ANKFN1: variants seen among roughly 807,000 people sequenced by gnomAD.
ANKFN1 encodes ankyrin repeat and fibronectin type-III domain-containing protein 1.
ANKFN1 carries 74 observed loss-of-function variants against 108.7 expected under a neutral mutation model. The observed-to-expected ratio is 0.68, with a 90% confidence interval of 0.56 to 0.83. ANKFN1 has a LOEUF of 0.83. ANKFN1 is among the 40% of genes least tolerant of loss of function. The probability of loss-of-function intolerance (pLI) is 0.00; values close to 1 mark genes in which losing one functional copy is unlikely to be tolerated. For synonymous variants in ANKFN1, 547 were observed against 516.2 expected (o/e 1.06, Z -0.81); for missense variants, 1,505 against 1,382.3 (o/e 1.09, Z -1.41).
chr17:56,100,519 CATG>C (rs1232310907), intron 4 of ANKFN1, among the ~76,000 whole-genome samples: 3 of 152,172 alleles, frequency 2.0e-5, no homozygotes, highest in Admixed American at 2.0e-4. Context: ...TAGTGAACCA[CATG>C]ATGATTATTT....
intron 1 of ANKFN1, among the ~76,000 whole-genome samples, chr17:56,160,486 A>G (rs1909551457): frequency 6.6e-6 from 1 of 151,708 alleles, no homozygotes; most frequent in African/African-American, 2.4e-5. Flanking sequence ...TGCTATGGAA[A>G]CTTTAGGAGA....
chr17:56,367,143 T>C lies in ANKFN1; in HGVS notation c.602-5503T>C, dbSNP rs1057505488. On this transcript the variant is annotated intron_variant, in intron 6 of 20. Transcript: ENST00000682825. ...TACTAAATTGAAAAATGGCACATCA[T>C]TAGTAATAGACAAATGTGTCCGTCT... is the stretch of plus-strand genomic sequence containing the variant. 1.8e-4 allele frequency among the ~76,000 whole-genome samples: 28 copies of C among 152,312 alleles called. 1 individual carries two copies. The highest frequency in any genetic ancestry group is 3.5e-4 in the Non-Finnish European group (24 of 68,018).
intron 1 of ANKFN1, among the ~76,000 whole-genome samples, chr17:56,202,169 G>A (rs1385926931): frequency 6.6e-6 from 1 of 152,232 alleles, no homozygotes; most frequent in Non-Finnish European, 1.5e-5. Flanking sequence ...GTTGGAAATG[G>A]ATGTGAGCTC....
intron 8 of ANKFN1, among the ~76,000 whole-genome samples, chr17:56,420,245 A>C (rs150838320): frequency 7.3e-4 from 111 of 152,340 alleles, no homozygotes; most frequent in African/African-American, 2.1e-3. Flanking sequence ...CTGCTGACTT[A>C]GAGGAATTCT....
chr17:56,373,519 A>G (rs1203247865), intron 7 of ANKFN1, among the ~76,000 whole-genome samples: 1 of 152,246 alleles, frequency 6.6e-6, no homozygotes, highest in Non-Finnish European at 1.5e-5. Flanking sequence ...ATCGTAACTA[A>G]ACAACAACAA....
chr17:56,438,328 G>A (rs1022416396), intron 8 of ANKFN1, among the ~76,000 whole-genome samples: 6 of 152,058 alleles, frequency 3.9e-5, no homozygotes, highest in African/African-American at 1.4e-4. Flanking sequence ...AGACACAGAA[G>A]CAGAAAATGC....
intron 1 of ANKFN1, among the ~76,000 whole-genome samples, chr17:56,181,636 T>C (rs1423514336): frequency 6.6e-6 from 1 of 152,232 alleles, no homozygotes; most frequent in African/African-American, 2.4e-5. Context: ...AGATCACTGC[T>C]TATTGCCTAT....
intron 4 of ANKFN1, among the ~76,000 whole-genome samples, chr17:56,138,389 T>C (rs1232473177): frequency 5.9e-5 from 9 of 152,216 alleles, no homozygotes; most frequent in Non-Finnish European, 1.3e-4. Context: ...GGTAAGATCT[T>C]CATGTCACTG....
chr17:56,074,038 G>C (rs550937075), intron 4 of ANKFN1, among the ~76,000 whole-genome samples: 1 of 152,324 alleles, frequency 6.6e-6, no homozygotes, highest in East Asian at 1.9e-4. Context: ...GGGTCATATG[G>C]TAATTCTGTG....
chr17:56,128,185 G>C (rs1254542630), intron 4 of ANKFN1, among the ~76,000 whole-genome samples: 2 of 151,302 alleles, frequency 1.3e-5, no homozygotes, highest in Non-Finnish European at 2.9e-5. Flanking sequence ...TAGAAAGACT[G>C]TAGAGCCTAA....
At chr17:56,186,620 T>G (rs191221370) in intron 1 of ANKFN1, among the ~76,000 whole-genome samples, 1 of 152,316 alleles carries the variant, frequency 6.6e-6, no homozygotes, top group African/African-American at 2.4e-5. Context: ...AGGAAATGAC[T>G]TATCCCCTGG....
intron 4 of ANKFN1, among the ~76,000 whole-genome samples, chr17:56,131,775 C>A (rs1227867193): frequency 6.6e-6 from 1 of 152,104 alleles, no homozygotes; most frequent in Non-Finnish European, 1.5e-5. Flanking sequence ...CCTGTAACCC[C>A]AGCATTTTGG....
intron 8 of ANKFN1, among the ~76,000 whole-genome samples, chr17:56,386,251 C>T (rs1017497537): frequency 1.3e-5 from 2 of 151,234 alleles, no homozygotes; most frequent in Non-Finnish European, 2.9e-5. Context: ...TGTTCTCACT[C>T]ATAGGTGGGA....
chr17:56,068,097 A>G (rs1316160728), intron 4 of ANKFN1, among the ~76,000 whole-genome samples: 2 of 152,132 alleles, frequency 1.3e-5, no homozygotes, highest in African/African-American at 4.8e-5. Context: ...CCCAGCCTTC[A>G]TACTTCTTTT....
chr17:56,381,344 G>A (rs953340932), intron 8 of ANKFN1, among the ~76,000 whole-genome samples: 5 of 152,152 alleles, frequency 3.3e-5, no homozygotes, highest in Non-Finnish European at 7.3e-5. Context: ...GGAAAAAACA[G>A]AGCAGAATAA....
At chr17:56,258,738 G>A (rs565714156) in intron 3 of ANKFN1, among the ~76,000 whole-genome samples, 3 of 152,100 alleles carry the variant, frequency 2.0e-5, no homozygotes, top group East Asian at 1.9e-4. Context: ...GTGAAACCCC[G>A]TCTCTATAAA....
At chr17:56,241,234 A>T (rs756067239) in intron 3 of ANKFN1, among the ~76,000 whole-genome samples, 18 of 152,158 alleles carry the variant, frequency 1.2e-4, no homozygotes, top group Non-Finnish European at 1.9e-4. Context: ...TGATTGTGCC[A>T]CTGCACTCCA....
At chr17:56,227,557 C>T (rs891014980) in intron 2 of ANKFN1, among the ~76,000 whole-genome samples, 18 of 152,056 alleles carry the variant, frequency 1.2e-4, no homozygotes, top group African/African-American at 4.1e-4. Context: ...GAACCAGAAG[C>T]AAGAGAATGA....
At chr17:56,484,399 A>C (rs2050798005) in intron 18 of ANKFN1, among the ~76,000 whole-genome samples, 1 of 152,238 alleles carries the variant, frequency 6.6e-6, no homozygotes, top group African/African-American at 2.4e-5. Flanking sequence ...TTGAAAAAAA[A>C]GAAAAGTTGC....
Sources: allele counts gnomAD v4.1 joint callset (sites outside exome capture counted in the v4.1 genomes callset), GRCh38; gene constraint gnomAD v4.1.1; transcripts MANE v1.5; gene names NCBI Gene and HGNC (gene_info 2026-07-23, HGNC 2026-07-21).